The following FOXP1 variants were observed in gnomAD, a reference collection of about 807,000 sequenced individuals.
The protein encoded by FOXP1 is forkhead box P1, also known as forkhead box protein P1.
FOXP1 carries 15 observed loss-of-function variants against 98.2 expected under a neutral mutation model. The observed-to-expected ratio is 0.15, with a 90% CI of 0.10 to 0.24. The LOEUF (loss-of-function observed/expected upper bound fraction) is 0.24. FOXP1 is among the 10% of genes least tolerant of loss of function. The pLI is 1.00. For synonymous variants in FOXP1, 371 were observed against 314.5 expected, an observed-to-expected ratio of 1.18 and a Z score of -1.90; for missense variants, 633 against 848.5, an observed-to-expected ratio of 0.75 and a Z score of 3.15.
chr3:71,531,198 G>A (rs1022465927), intron 2 of FOXP1, among the ~76,000 whole-genome samples: 1 of 152,234 alleles, frequency 6.6e-6, no homozygotes, highest in African/African-American at 2.4e-5. Context: ...AGGCAAAGTA[G>A]GAGATATCGG....
intron 4 of FOXP1, among the ~76,000 whole-genome samples, chr3:71,355,225 G>C (rs1163319295): frequency 6.6e-6 from 1 of 152,312 alleles, no homozygotes; most frequent in South Asian, 2.1e-4. Flanking sequence ...GAAATCCCCA[G>C]ACTCTGACTG....
intron 4 of FOXP1, among the ~76,000 whole-genome samples, chr3:71,327,550 G>A (rs1162430825): frequency 1.3e-5 from 2 of 151,096 alleles, no homozygotes; most frequent in African/African-American, 4.9e-5. Flanking sequence ...ACCACGCCCA[G>A]CTAATTTTTT....
At chr3:71,509,046 C>G (rs2042017439) in intron 2 of FOXP1, among the ~76,000 whole-genome samples, 1 of 152,224 alleles carries the variant, frequency 6.6e-6, no homozygotes, top group African/African-American at 2.4e-5. Flanking sequence ...GATACAGCTC[C>G]ACTCTCCGTA....
chr3:71,244,396 C>G (rs976853826), intron 5 of FOXP1, among the ~76,000 whole-genome samples: 2 of 151,852 alleles, frequency 1.3e-5, no homozygotes, highest in African/African-American at 2.4e-5. Context: ...GGCCCTCCCC[C>G]CGAAGCACAG....
chr3:71,206,594 G>T (rs1684328131), intron 5 of FOXP1, among the ~76,000 whole-genome samples: 1 of 139,940 alleles, frequency 7.1e-6, no homozygotes, highest in South Asian at 2.3e-4. Flanking sequence ...TCAATGTGAA[G>T]ACAGGAGACT....
chr3:71,525,004 G>A (rs978331609), intron 2 of FOXP1, among the ~76,000 whole-genome samples: 38 of 152,266 alleles, frequency 2.5e-4, no homozygotes, highest in African/African-American at 8.9e-4. Flanking sequence ...TCCTCACAGC[G>A]ATTAAGAATT....
chr3:71,023,157 A>T, intron 11 of FOXP1, among the ~76,000 whole-genome samples: 1 of 152,042 alleles, frequency 6.6e-6, no homozygotes, highest in East Asian at 1.9e-4. Flanking sequence ...ATGAACTCCG[A>T]CCCTGAGACA....
chr3:71,427,959 G>C (rs572928875), intron 3 of FOXP1, among the ~76,000 whole-genome samples: 1 of 152,144 alleles, frequency 6.6e-6, no homozygotes, highest in East Asian at 1.9e-4. Flanking sequence ...TGAATTCCAA[G>C]AAAAAGATCA....
intron 5 of FOXP1, among the ~76,000 whole-genome samples, chr3:71,259,580 T>TA (rs1334486821): frequency 6.6e-6 from 1 of 152,142 alleles, no homozygotes; most frequent in Non-Finnish European, 1.5e-5. Flanking sequence ...GGGCGTCTGG[T>TA]AAAGGGAGAC....
At chr3:71,146,670 C>T (rs1275362602) in intron 6 of FOXP1, among the ~76,000 whole-genome samples, 6 of 151,904 alleles carry the variant, frequency 3.9e-5, no homozygotes, top group East Asian at 1.9e-4. Context: ...TCATTGTCTC[C>T]GAAATTCAGA....
intron 11 of FOXP1, among the ~76,000 whole-genome samples, chr3:71,015,943 G>T (rs1384645235): frequency 1.3e-5 from 2 of 152,126 alleles, no homozygotes; most frequent in African/African-American, 2.4e-5. Flanking sequence ...AGACTGCGAA[G>T]GAGTCTTTAA....
At chr3:71,184,572 C>T (rs1310700934) in intron 6 of FOXP1, among the ~76,000 whole-genome samples, 2 of 152,108 alleles carry the variant, frequency 1.3e-5, no homozygotes, top group East Asian at 1.9e-4. Context: ...ATTTTAAATA[C>T]CTGAGAAATT....
chr3:71,505,340 G>A (rs534775896), intron 2 of FOXP1, among the ~76,000 whole-genome samples: 1 of 151,646 alleles, frequency 6.6e-6, no homozygotes, highest in East Asian at 1.9e-4. Context: ...CCCCAAGACA[G>A]GAGACAAGGA....
Position 71,438,742 on chromosome 3 carries a change from G to T in FOXP1, c.-168+54684C>A, listed in dbSNP as rs199882445. ...TAGGGAGGTTTCAGTCTAATTTGGA[G>T]AAAAAAAAAAAAAACCAGTCTCCAT... On this transcript the variant is annotated intron_variant, in intron 3 of 20. Transcript: ENST00000649528. Among the ~76,000 whole-genome samples the T allele has an allele frequency of 4.8e-5, 6 of 125,896 alleles. No individual in the cohort carries two copies. In the East Asian group the frequency reaches 1.0e-3, roughly 21 times the overall value. The allele number at this position is 125,896 out of a possible 152,430, so 82.6% of individuals were successfully genotyped here.
At chr3:71,383,192 T>G (rs796629541) in intron 3 of FOXP1, among the ~76,000 whole-genome samples, 5 of 152,232 alleles carry the variant, frequency 3.3e-5, no homozygotes, top group African/African-American at 9.6e-5. Flanking sequence ...CAGGTGGCTC[T>G]CTAACAGCAA....
intron 4 of FOXP1, among the ~76,000 whole-genome samples, chr3:71,355,046 G>A (rs994458417): frequency 2.6e-5 from 4 of 152,148 alleles, no homozygotes; most frequent in African/African-American, 4.8e-5. Flanking sequence ...AACCCCTTCC[G>A]GATGGGACAC....
Position 71,125,734 on chromosome 3 carries a change from T to C in FOXP1, c.181-13097A>G, listed in dbSNP as rs927676486. On this transcript the variant is annotated intron_variant, in intron 6 of 20. Coordinates refer to ENST00000649528, the MANE Select transcript of FOXP1 (RefSeq NM_001349338.3). ...AAGAAGTAAGGATTCTCTGGGAATA[T>C]GGGGGAATTACTGACCCTGAGAGAA... Among the ~76,000 whole-genome samples the C allele has an allele frequency of 3.3e-5, 5 of 152,162 alleles. No individual in the cohort carries two copies. The South Asian group carries it at 8.3e-4, about 25-fold the overall frequency.
At chr3:71,024,942 G>T (rs972130490) in intron 11 of FOXP1, among the ~76,000 whole-genome samples, 1 of 152,092 alleles carries the variant, frequency 6.6e-6, no homozygotes, top group Non-Finnish European at 1.5e-5. Context: ...TGGTCCTCAG[G>T]GCATGGCTCA....
intron 7 of FOXP1, among the ~76,000 whole-genome samples, chr3:71,064,594 C>G (rs1342665064): frequency 6.6e-6 from 1 of 151,766 alleles, no homozygotes; most frequent in African/African-American, 2.4e-5. Context: ...CCAGGACCCA[C>G]AGGCCTGCAG....
Sources: allele counts gnomAD v4.1 joint callset (sites outside exome capture counted in the v4.1 genomes callset), GRCh38; gene constraint gnomAD v4.1.1; transcripts MANE v1.5; gene names NCBI Gene and HGNC (gene_info 2026-07-23, HGNC 2026-07-21).